The following EBF3 variants were observed in gnomAD, a reference collection of about 807,000 sequenced individuals.
EBF3 encodes the protein transcription factor COE3.
Under a neutral mutation model 77.1 loss-of-function variants are expected in EBF3, and 18 were observed. The ratio of observed to expected loss-of-function variants is 0.23; its 90% CI spans 0.16 to 0.35. The LOEUF (loss-of-function observed/expected upper bound fraction) is 0.35. Ranked by LOEUF, EBF3 falls within the 10% of genes least tolerant of loss-of-function variation. The pLI is 1.00. For synonymous variants in EBF3, 350 were observed against 343.5 expected (o/e 1.02, Z -0.21); for missense variants, 558 against 860.0 (o/e 0.65, Z 4.39).
At chr10:129,867,294 G>A (rs755235333) in intron 9 of EBF3, 27 bp from the exon 10 acceptor site, 52 of 1,612,486 alleles carry the variant, frequency 3.2e-5, no homozygotes, top group Admixed American at 2.2e-4. Context: ...GTGAACAGGC[G>A]CTCAGCGGCG....
chr10:129,930,070 T>C (rs961141377), intron 6 of EBF3, among the ~76,000 whole-genome samples: 7 of 152,184 alleles, frequency 4.6e-5, no homozygotes, highest in Non-Finnish European at 7.3e-5. Context: ...CTTCCTCCCC[T>C]GTCCCTGGAC....
intron 10 of EBF3, among the ~76,000 whole-genome samples, chr10:129,856,802 T>G (rs1055013988): frequency 1.3e-5 from 2 of 152,224 alleles, no homozygotes; most frequent in Admixed American, 6.5e-5. Flanking sequence ...GCCACTTAAT[T>G]GTATACTTTG....
rs769408581 is a variant in EBF3, at chr10:129,835,281, G to C, written c.*2662C>G. On this transcript the variant is annotated 3_prime_UTR_variant, in exon 17 of 17. Coordinates refer to ENST00000440978, the MANE Select transcript of EBF3 (RefSeq NM_001375380.1). ...TCAAAAACAGAGAAAATTACCAAAA[G>C]TGAAATTCACAGACAAGAAATACTT... The C allele has an allele frequency of 3.4e-4, 52 of 152,686 alleles. No homozygotes were observed. Among genetic ancestry groups the C allele is most frequent in the African/African-American group, 1.2e-3 (51 of 41,556 alleles). 9.5% of individuals were successfully genotyped at this position (152,686 alleles called of 1,614,324 possible). A position where few individuals can be genotyped will look rare whatever the true frequency, so the allele number is the denominator to read the frequency against.
Position 129,963,589 on chromosome 10 carries a change from C to CG in EBF3, c.134+45dup, listed in dbSNP as rs1554937305. ...CGCCGGCCGGCGGAGGGGGCCGGGC[C>CG]GGGCCGGGGCCGGGGCCAGGGCGCG... On this transcript the variant is annotated intron_variant, in intron 1 of 16. Coordinates refer to ENST00000440978, the MANE Select transcript of EBF3 (RefSeq NM_001375380.1). The surrounding 1 kb of genome is among the most constrained non-coding windows in gnomAD (Gnocchi z 7.1). The CG allele has an allele frequency of 1.6e-6, 2 of 1,234,554 alleles. No individual in the cohort carries two copies. Among genetic ancestry groups the CG allele is most frequent in the Non-Finnish European group, 2.0e-6 (2 of 981,008 alleles). 76.5% of individuals were successfully genotyped at this position (1,234,554 alleles called of 1,614,324 possible). A position where few individuals can be genotyped will look rare whatever the true frequency, so the allele number is the denominator to read the frequency against.
At chr10:129,873,381 A>G in intron 8 of EBF3, 71 bp downstream of exon 8, 1 of 1,408,498 alleles carries the variant, frequency 7.1e-7, no homozygotes. Context: ...ACTCCACATG[A>G]ATGAACATAA....
chr10:129,889,256 A>G (rs1231136756), intron 6 of EBF3, among the ~76,000 whole-genome samples: 4 of 152,246 alleles, frequency 2.6e-5, no homozygotes, highest in African/African-American at 4.8e-5. Context: ...GGCAGGGTCT[A>G]CAGAGAGCAT....
At chr10:129,908,973 C>T (rs906291470) in intron 6 of EBF3, among the ~76,000 whole-genome samples, 2 of 152,180 alleles carry the variant, frequency 1.3e-5, no homozygotes, top group Non-Finnish European at 2.9e-5. Context: ...ATAAGCAAAC[C>T]GTAGTCAGAG....
intron 6 of EBF3, among the ~76,000 whole-genome samples, chr10:129,924,844 A>T (rs1378907141): frequency 6.6e-6 from 1 of 152,056 alleles, no homozygotes; most frequent in African/African-American, 2.4e-5. Flanking sequence ...TTTAAAAAAA[A>T]AATTTGTGAA....
At position 129,906,971 on chromosome 10, in the gene EBF3, T is replaced by C. The variant is rs932889474; in HGVS notation, c.555-29122A>G. On this transcript the variant is annotated intron_variant, in intron 6 of 16. Coordinates refer to ENST00000440978, the MANE Select transcript of EBF3 (RefSeq NM_001375380.1). The stretch of plus-strand genomic sequence containing the variant: ...GAAAACCCACCAGCATGGCCAGAAA[T>C]GAAATGATGAAAGTTGCCACAGTTC... Among the ~76,000 whole-genome samples the C allele has an allele frequency of 2.0e-5, 3 of 152,126 alleles. No individual in the cohort carries two copies. In the South Asian group the frequency reaches 6.2e-4, roughly 32 times the overall value.
chr10:129,937,005 G>A (rs377047768), intron 6 of EBF3, among the ~76,000 whole-genome samples: 4 of 152,200 alleles, frequency 2.6e-5, no homozygotes, highest in South Asian at 2.1e-4. Flanking sequence ...CCCCTCCCGC[G>A]ACAGTGCATC....
At chr10:129,869,636 G>A (rs951210334) in intron 8 of EBF3, among the ~76,000 whole-genome samples, 4 of 152,312 alleles carry the variant, frequency 2.6e-5, no homozygotes, top group Non-Finnish European at 5.9e-5. Context: ...AGGCAGCGCC[G>A]TGCAGACACT....
intron 10 of EBF3, among the ~76,000 whole-genome samples, chr10:129,851,221 A>G (rs1028470167): frequency 2.6e-5 from 4 of 152,164 alleles, no homozygotes; most frequent in African/African-American, 9.7e-5. Context: ...GCTTCTTCCC[A>G]ATTTTGCTTA....
rs752866337 is a variant in EBF3 at position 129,963,670 on chromosome 10, C to G, written c.99G>C (p.Thr33=). 2 of 1,509,860 alleles carry G rather than the reference C, an allele frequency of 1.3e-6. No homozygotes were observed. The highest frequency in any genetic ancestry group is 2.9e-5 in the African/African-American group (2 of 68,282). 93.5% of individuals were successfully genotyped at this position (1,509,860 alleles called of 1,614,324 possible). ...CCGTGTTGGCGTCCACCACGCCCGC[C>G]GTGTGCATCCACGAGCGCACCGGGT... The part of the protein sequence containing the change: ...GMNPVRSWMH[T]AGVVDANTAA... The change falls in exon 1 of 17, where the codon ACG becomes ACC. Residue 33 remains threonine, a synonymous_variant. Transcript: ENST00000440978. The surrounding 1 kb of genome is among the most constrained non-coding windows in gnomAD (Gnocchi z 7.1).
chr10:129,877,884 G>T (rs956706922), intron 6 of EBF3, 35 bp from the exon 7 acceptor site: 5 of 1,548,158 alleles, frequency 3.2e-6, no homozygotes, highest in Non-Finnish European at 4.4e-6. Context: ...ATTTATTAGG[G>T]TTATCAGACA....
rs188310214 is a variant in EBF3, at chr10:129,874,453, C to A, written c.637-857G>T. 4.5e-4 allele frequency among the ~76,000 whole-genome samples: 69 copies of A among 152,268 alleles called. 3 individuals carry two copies. The East Asian group carries it at 0.011, about 25-fold the overall frequency. On this transcript the variant is annotated intron_variant, in intron 7 of 16. Transcript: ENST00000440978. Reference sequence around the variant, plus strand: ...GCCCAGGGGAGCTTGCCACAAACATCCAGAAATGGCATCCCTGAATGGACC... The same window carrying A: ...GCCCAGGGGAGCTTGCCACAAACATACAGAAATGGCATCCCTGAATGGACC...
intron 8 of EBF3, among the ~76,000 whole-genome samples, chr10:129,872,968 C>T (rs777796828): frequency 6.6e-6 from 1 of 152,088 alleles, no homozygotes; most frequent in Non-Finnish European, 1.5e-5. Context: ...GGTATTTCAC[C>T]CCCTCCTCCT....
At chr10:129,891,536 G>A (rs1422364148) in intron 6 of EBF3, among the ~76,000 whole-genome samples, 2 of 152,152 alleles carry the variant, frequency 1.3e-5, no homozygotes, top group African/African-American at 4.8e-5. Flanking sequence ...CGTTCTTCAC[G>A]AAAACGACTG....
chr10:129,920,830 G>A (rs930805957), intron 6 of EBF3, among the ~76,000 whole-genome samples: 4 of 152,194 alleles, frequency 2.6e-5, no homozygotes, highest in African/African-American at 9.6e-5. Flanking sequence ...ACTATTGTCT[G>A]GGGCAGAAGG....
intron 6 of EBF3, among the ~76,000 whole-genome samples, chr10:129,899,092 G>C (rs1289705499): frequency 6.6e-6 from 1 of 152,242 alleles, no homozygotes; most frequent in African/African-American, 2.4e-5. Context: ...GCGCAGCCTT[G>C]AATCGGAGCT....
Sources: gnomAD v4.1 joint callset for allele counts (sites outside exome capture counted in the v4.1 genomes callset) on GRCh38, gnomAD v4.1.1 for gene constraint, Gnocchi (gnomAD v3.1) non-coding constraint, MANE v1.5 for transcripts, NCBI Gene and HGNC (gene_info 2026-07-23, HGNC 2026-07-21) for gene names.